The following WWTR1 variants were observed in gnomAD, a reference collection of about 807,000 sequenced individuals.
WWTR1 encodes WW domain containing transcription regulator 1.
A neutral mutation model predicts 40.1 loss-of-function variants in WWTR1; 13 were observed. That is an observed-to-expected ratio of 0.32 (90% confidence interval 0.21 to 0.52). The LOEUF is 0.52. Among genes scored for constraint, WWTR1 ranks in the 20% least tolerant of loss-of-function variants. WWTR1 has a pLI of 0.97. For missense variants in WWTR1, 436 were observed against 523.1 expected, an observed-to-expected ratio of 0.83 and a Z score of 1.63; for synonymous variants, 230 against 210.1, an observed-to-expected ratio of 1.09 and a Z score of -0.82.
upstream of WWTR1, among the ~76,000 whole-genome samples, chr3:149,706,189 A>G (rs1715327476): frequency 6.6e-6 from 1 of 152,140 alleles, no homozygotes; most frequent in African/African-American, 2.4e-5. Flanking sequence ...GGTGACAGAG[A>G]GAGACTCTGT....
intron 2 of WWTR1, among the ~76,000 whole-genome samples, chr3:149,624,885 TTTTA>T (rs972628360): frequency 2.0e-5 from 3 of 151,098 alleles, no homozygotes; most frequent in Middle Eastern, 3.2e-3. Flanking sequence ...ATTTATTTTA[TTTTA>T]TTTATTTATT....
At chr3:149,719,337 A>AT (rs879633880) in intron 4 of WWTR1, among the ~76,000 whole-genome samples, 1 of 151,412 alleles carries the variant, frequency 6.6e-6, no homozygotes, top group Non-Finnish European at 1.5e-5. Context: ...AGCCCAGCTA[A>AT]TTTTTTTATT....
At chr3:149,573,084 C>T (rs2107998477) in intron 2 of WWTR1, 84 bp from the exon 3 acceptor site, 2 of 1,364,976 alleles carry the variant, frequency 1.5e-6, no homozygotes, top group Non-Finnish European at 2.0e-6. Context: ...TAGTTAATGA[C>T]ACTAATTCTT....
chr3:149,641,308 C>CCATAT (rs1237301780), intron 2 of WWTR1, among the ~76,000 whole-genome samples: 2 of 152,114 alleles, frequency 1.3e-5, no homozygotes, highest in South Asian at 2.1e-4. Flanking sequence ...AGACTCCATA[C>CCATAT]GATATGTACC....
chr3:149,554,861 C>G (rs997160183), intron 3 of WWTR1, among the ~76,000 whole-genome samples: 1 of 152,196 alleles, frequency 6.6e-6, no homozygotes, highest in African/African-American at 2.4e-5. Flanking sequence ...ATTATCTAGC[C>G]TGTGAAAAAG....
chr3:149,533,371 A>G (rs918328051), intron 4 of WWTR1, among the ~76,000 whole-genome samples: 20 of 152,220 alleles, frequency 1.3e-4, no homozygotes, highest in African/African-American at 4.8e-4. Flanking sequence ...ATCACATCCT[A>G]TGAAGAAGAG....
At chr3:149,656,667 T>C (rs1713219561) in intron 2 of WWTR1, among the ~76,000 whole-genome samples, 1 of 152,132 alleles carries the variant, frequency 6.6e-6, no homozygotes, top group Non-Finnish European at 1.5e-5. Flanking sequence ...TCCCTGCTTC[T>C]GATCCCTTAC....
chr3:149,639,207 GA>G (rs1012285101), intron 2 of WWTR1, among the ~76,000 whole-genome samples: 30 of 152,108 alleles, frequency 2.0e-4, no homozygotes, highest in African/African-American at 6.5e-4. Context: ...AATTATCTTG[GA>G]AAAAAATATA....
chr3:149,524,014 C>G (rs1735176383), intron 6 of WWTR1, among the ~76,000 whole-genome samples: 1 of 152,232 alleles, frequency 6.6e-6, no homozygotes, highest in Admixed American at 6.5e-5. Context: ...TGTATGACAT[C>G]AGTCTTCTTA....
chr3:149,620,570 C>CCACA (rs555750880), intron 2 of WWTR1, among the ~76,000 whole-genome samples: 3 of 150,498 alleles, frequency 2.0e-5, no homozygotes, highest in African/African-American at 7.4e-5. Flanking sequence ...CCGCTCCCCC[C>CCACA]CACACACACA....
chr3:149,648,519 A>G (rs1560102466), intron 2 of WWTR1, among the ~76,000 whole-genome samples: 2 of 152,216 alleles, frequency 1.3e-5, no homozygotes. Context: ...GAGCAGCAGC[A>G]TCTAATCCAG....
intron 3 of WWTR1, among the ~76,000 whole-genome samples, chr3:149,566,094 C>T (rs569935443): frequency 2.4e-4 from 37 of 151,906 alleles, no homozygotes; most frequent in African/African-American, 8.4e-4. Flanking sequence ...TTTGGGAGGC[C>T]AAGGTGGGAG....
intron 2 of WWTR1, among the ~76,000 whole-genome samples, chr3:149,594,994 G>A (rs866675698): frequency 3.6e-5 from 4 of 110,132 alleles, no homozygotes; most frequent in Admixed American, 1.4e-4. Flanking sequence ...ACGGAGTGTC[G>A]CTCTGTTGCC....
intron 1 of WWTR1, among the ~76,000 whole-genome samples, chr3:149,697,177 G>A (rs529937935): frequency 6.6e-6 from 1 of 151,640 alleles, no homozygotes; most frequent in Non-Finnish European, 1.5e-5. Flanking sequence ...AATTCAACAG[G>A]CTGTACAAGC....
chr3:149,646,990 CAG>C (rs1017687482), intron 2 of WWTR1, among the ~76,000 whole-genome samples: 13 of 151,512 alleles, frequency 8.6e-5, no homozygotes, highest in African/African-American at 2.7e-4. Flanking sequence ...TTAAAAAAAA[CAG>C]AGGTTTATGT....
At chr3:149,593,705 T>C (rs561989005) in intron 2 of WWTR1, among the ~76,000 whole-genome samples, 1 of 152,356 alleles carries the variant, frequency 6.6e-6, no homozygotes, top group African/African-American at 2.4e-5. Flanking sequence ...ACCTTTAGTG[T>C]TTTGGATGAA....
chr3:149,624,208 T>G (rs1385688185), intron 2 of WWTR1, among the ~76,000 whole-genome samples: 12 of 151,638 alleles, frequency 7.9e-5, no homozygotes, highest in African/African-American at 2.9e-4. Flanking sequence ...AGTGGGCGGG[T>G]GAGGGCGGGT....
intron 4 of WWTR1, among the ~76,000 whole-genome samples, chr3:149,536,771 A>G (rs1431011867): frequency 1.3e-5 from 2 of 150,228 alleles, no homozygotes; most frequent in South Asian, 2.1e-4. Context: ...AAAAAAAAAA[A>G]AGAAAGAAAA....
At chr3:149,628,074 G>GAA (rs750330375) in intron 2 of WWTR1, among the ~76,000 whole-genome samples, 5 of 77,896 alleles carry the variant, frequency 6.4e-5, no homozygotes, top group Non-Finnish European at 7.8e-5. Context: ...ACTCCGTCTC[G>GAA]AAAAAAAAAA....
Sources: allele counts gnomAD v4.1 joint callset (sites outside exome capture counted in the v4.1 genomes callset), GRCh38; gene constraint gnomAD v4.1.1; transcripts MANE v1.5; gene names NCBI Gene and HGNC (gene_info 2026-07-23, HGNC 2026-07-21).